The following ABLIM1 variants were observed in gnomAD, a reference collection of about 807,000 sequenced individuals.
ABLIM1 encodes the protein actin binding LIM protein 1, also known as actin-binding LIM protein 1.
A neutral mutation model predicts 107.0 loss-of-function variants in ABLIM1; 40 were observed. That is an observed-to-expected ratio of 0.37 (90% CI 0.29 to 0.49). ABLIM1 has a LOEUF of 0.49. Ranked by LOEUF, ABLIM1 falls within the 20% of genes least tolerant of loss-of-function variation. The probability of loss-of-function intolerance (pLI) is 0.97; values close to 1 mark genes in which losing one functional copy is unlikely to be tolerated. For missense variants in ABLIM1, 857 were observed against 1,008.5 expected, an observed-to-expected ratio of 0.85 and a Z score of 2.04; for synonymous variants, 357 against 357.3, an observed-to-expected ratio of 1.00 and a Z score of 0.01.
intron 1 of ABLIM1, among the ~76,000 whole-genome samples, chr10:114,767,784 G>A (rs1257128153): frequency 2.0e-5 from 3 of 152,160 alleles, no homozygotes; most frequent in Non-Finnish European, 2.9e-5. Flanking sequence ...CAGCCAGCGC[G>A]AGCCCATCCC....
At chr10:114,642,139 A>G (rs2078782807) in intron 1 of ABLIM1, among the ~76,000 whole-genome samples, 1 of 151,824 alleles carries the variant, frequency 6.6e-6, no homozygotes. Context: ...GTGATCCTCC[A>G]GCCTTGGCTT....
intron 6 of ABLIM1, among the ~76,000 whole-genome samples, chr10:114,540,362 G>C (rs1020103269): frequency 6.6e-6 from 1 of 152,196 alleles, no homozygotes; most frequent in African/African-American, 2.4e-5. Flanking sequence ...GCTCAAAGAA[G>C]TGGCAAGCCT....
chr10:114,522,188 T>C (rs1446338755), intron 6 of ABLIM1, among the ~76,000 whole-genome samples: 2 of 152,162 alleles, frequency 1.3e-5, no homozygotes, highest in African/African-American at 4.8e-5. Flanking sequence ...GGAGAAGATA[T>C]TTCAACAGAT....
At chr10:114,588,487 C>CTTTTT (rs34043960) in intron 2 of ABLIM1, among the ~76,000 whole-genome samples, 306 of 76,566 alleles carry the variant, frequency 4.0e-3, no homozygotes, top group African/African-American at 9.5e-3. Context: ...TTCTTTCTTT[C>CTTTTT]TTTTTTTTTT....
At chr10:114,798,563 C>CCCT in the ABLIM1 span, among the ~76,000 whole-genome samples, 9 of 125,828 alleles carry the variant, frequency 7.2e-5, 1 homozygote, top group South Asian at 6.8e-4. Flanking sequence ...GAGACCCCCC[C>CCCT]CCCATGTCTA....
intron 6 of ABLIM1, among the ~76,000 whole-genome samples, chr10:114,492,387 G>A (rs1332666867): frequency 2.6e-5 from 4 of 152,248 alleles, no homozygotes; most frequent in Middle Eastern, 3.4e-3. Context: ...TCTCAAGGGG[G>A]GCCCTAAGTC....
chr10:114,691,685 T>C (rs536805558), intron 1 of ABLIM1, among the ~76,000 whole-genome samples: 4 of 152,338 alleles, frequency 2.6e-5, no homozygotes, highest in East Asian at 1.9e-4. Flanking sequence ...TGTTCTTTCA[T>C]TGTAAACAGA....
intron 1 of ABLIM1, among the ~76,000 whole-genome samples, chr10:114,759,802 GAA>G (rs2082706180): frequency 2.6e-5 from 4 of 152,188 alleles, no homozygotes; most frequent in African/African-American, 9.7e-5. Context: ...CTACCAGTTA[GAA>G]AGGCCACAGT....
intron 4 of ABLIM1, among the ~76,000 whole-genome samples, chr10:114,565,147 G>T (rs1458919203): frequency 6.6e-6 from 1 of 152,220 alleles, no homozygotes; most frequent in Non-Finnish European, 1.5e-5. Flanking sequence ...GGCCTCCTCT[G>T]CCATTGCATC....
At chr10:114,595,570 CA>C (rs1356281741) in intron 2 of ABLIM1, among the ~76,000 whole-genome samples, 1 of 152,134 alleles carries the variant, frequency 6.6e-6, no homozygotes, top group African/African-American at 2.4e-5. Context: ...GGATGAAAAA[CA>C]AAGTGAATAC....
At chr10:114,545,930 C>CAAAA (rs369045013) in intron 5 of ABLIM1, among the ~76,000 whole-genome samples, 4 of 111,638 alleles carry the variant, frequency 3.6e-5, no homozygotes, top group Admixed American at 9.8e-5. Context: ...GACCCCATCT[C>CAAAA]AAAAAAAAAA....
intron 1 of ABLIM1, among the ~76,000 whole-genome samples, chr10:114,607,156 G>C (rs1311006246): frequency 6.6e-6 from 1 of 152,154 alleles, no homozygotes; most frequent in East Asian, 1.9e-4. Context: ...TCTGCCTCCT[G>C]GGTTCAAGAG....
At position 114,451,630 on chromosome 10, in the gene ABLIM1, G is replaced by GT; in HGVS notation, c.1587dup (p.Gln530ThrfsTer36). ...GGAGGAAAGCGGGTTTTACCATGCT[G>GT]TTTGTAGATGGGTGGCTTTCGGTAA... On this transcript the variant is annotated frameshift_variant, in exon 14 of 23. Coordinates refer to ENST00000533213, the MANE Select transcript of ABLIM1 (RefSeq NM_002313.7). LOFTEE classifies it high-confidence loss of function. The GT allele has an allele frequency of 6.2e-7, 1 of 1,613,406 alleles. No homozygotes were observed. Among genetic ancestry groups the GT allele is most frequent in the Non-Finnish European group, 8.5e-7 (1 of 1,179,488 alleles).
rs114947364 is a variant in ABLIM1 at position 114,707,988 on chromosome 10, C to T, written c.-213+60073G>A. The stretch of plus-strand genomic sequence containing the variant: ...TTTTGTACTAAGCCTTTATGCTAAC[C>T]GCTGTTTTTCAAAGCCTGTCCTGGT... On this transcript the variant is annotated intron_variant, in intron 1 of 15. Transcript: ENST00000651092. The surrounding 1 kb of genome is among the most constrained non-coding windows in gnomAD (Gnocchi z 4.1). Among the ~76,000 whole-genome samples, 10,389 of 152,158 alleles carry T rather than the reference C, an allele frequency of 0.068. 614 individuals carry two copies. The highest frequency in any genetic ancestry group is 0.15 in the African/African-American group (6,429 of 41,508).
the ABLIM1 span, among the ~76,000 whole-genome samples, chr10:114,783,816 G>C: frequency 1.3e-5 from 2 of 151,976 alleles, no homozygotes; most frequent in Non-Finnish European, 2.9e-5. Context: ...CTCCTTCACT[G>C]AACTTGGAAA....
intron 1 of ABLIM1, among the ~76,000 whole-genome samples, chr10:114,637,936 T>A (rs936929657): frequency 6.6e-6 from 1 of 152,248 alleles, no homozygotes; most frequent in African/African-American, 2.4e-5. Context: ...TATTGGGATA[T>A]AAAAATGGTT....
rs866398240 is a variant in ABLIM1, at chr10:114,629,937, T to C, written c.245-27976A>G. 2.6e-5 allele frequency among the ~76,000 whole-genome samples: 4 copies of C among 152,184 alleles called. No homozygotes were observed. Among genetic ancestry groups the C allele is most frequent in the Non-Finnish European group, 5.9e-5 (4 of 68,030 alleles). Reference sequence around the variant, plus strand: ...GCAATCAGAAAGCAGTGGTGTGGACTGGCACAGACCTCAAAATAAAACAGA... The same window carrying C: ...GCAATCAGAAAGCAGTGGTGTGGACCGGCACAGACCTCAAAATAAAACAGA... On this transcript the variant is annotated intron_variant, in intron 1 of 22. Coordinates refer to ENST00000533213, the MANE Select transcript of ABLIM1 (RefSeq NM_002313.7). This position sits in a 1 kb window ranked among gnomAD's most constrained non-coding sequence, Gnocchi z 4.0.
intron 2 of ABLIM1, among the ~76,000 whole-genome samples, chr10:114,598,029 T>C (rs2075606395): frequency 6.6e-6 from 1 of 152,114 alleles, no homozygotes; most frequent in South Asian, 2.1e-4. Context: ...CCCAGCACTT[T>C]GGAAGGCCAA....
At chr10:114,520,507 A>G (rs927752464) in intron 6 of ABLIM1, among the ~76,000 whole-genome samples, 1 of 152,060 alleles carries the variant, frequency 6.6e-6, no homozygotes, top group Non-Finnish European at 1.5e-5. Context: ...GGAGCTAAAA[A>G]AAGGAGAACT....
Sources: gnomAD v4.1 joint callset for allele counts (sites outside exome capture counted in the v4.1 genomes callset) on GRCh38, gnomAD v4.1.1 for gene constraint, Gnocchi (gnomAD v3.1) non-coding constraint, MANE v1.5 for transcripts, NCBI Gene and HGNC (gene_info 2026-07-23, HGNC 2026-07-21) for gene names.